CCDC81: variants seen among roughly 807,000 people sequenced by gnomAD.
The protein encoded by CCDC81 is coiled-coil domain-containing protein 81.
A neutral mutation model predicts 83.7 loss-of-function variants in CCDC81; 79 were observed. That is an observed-to-expected ratio of 0.94 (90% CI 0.79 to 1.14). The LOEUF (loss-of-function observed/expected upper bound fraction) is 1.14, where lower values mean the gene tolerates loss of function less well. Among genes scored for constraint, CCDC81 ranks in the 50% most tolerant of loss-of-function variants. The pLI is 0.00. For synonymous variants in CCDC81, 252 were observed against 278.1 expected, an observed-to-expected ratio of 0.91 and a Z score of 0.93; for missense variants, 791 against 778.1, an observed-to-expected ratio of 1.02 and a Z score of -0.20.
intron 10 of CCDC81, among the ~76,000 whole-genome samples, chr11:86,411,304 A>C (rs1262133115): frequency 1.3e-5 from 2 of 152,006 alleles, no homozygotes; most frequent in Non-Finnish European, 2.9e-5. Flanking sequence ...TTCCTTCTGT[A>C]TGGAACACGG....
chr11:86,399,095 G>T (rs374234717), intron 6 of CCDC81, among the ~76,000 whole-genome samples: 14 of 152,214 alleles, frequency 9.2e-5, no homozygotes, highest in Admixed American at 4.6e-4. Flanking sequence ...AAATCTATTG[G>T]CTGTTAAAAG....
chr11:86,408,407 A>T (rs1367944284), intron 9 of CCDC81, 137 bp downstream of exon 9: 3 of 755,536 alleles, frequency 4.0e-6, no homozygotes, highest in Non-Finnish European at 5.8e-6. Flanking sequence ...ACCTCTGCTC[A>T]CTGCAGCCTT....
At chr11:86,391,382 A>C (rs912523806) in intron 3 of CCDC81, among the ~76,000 whole-genome samples, 1 of 152,216 alleles carries the variant, frequency 6.6e-6, no homozygotes, top group Non-Finnish European at 1.5e-5. Flanking sequence ...GAATATTCTC[A>C]TCTTCTCTAT....
At chr11:86,376,093 C>G (rs910432015) in intron 1 of CCDC81, among the ~76,000 whole-genome samples, 2 of 152,206 alleles carry the variant, frequency 1.3e-5, no homozygotes, top group East Asian at 3.9e-4. Context: ...ATTCTGAAAC[C>G]CTGCTATATG....
At chr11:86,391,073 T>C (rs1323738558) in intron 3 of CCDC81, among the ~76,000 whole-genome samples, 1 of 152,124 alleles carries the variant, frequency 6.6e-6, no homozygotes, top group Non-Finnish European at 1.5e-5. Flanking sequence ...AGTCAAACTA[T>C]CCATTGACTT....
intron 10 of CCDC81, among the ~76,000 whole-genome samples, chr11:86,411,284 G>A (rs1477393979): frequency 6.6e-6 from 1 of 151,924 alleles, no homozygotes; most frequent in Non-Finnish European, 1.5e-5. Flanking sequence ...TAGTGTCTTT[G>A]CGCTTAATGT....
At chr11:86,395,631 C>T (rs1948396882) in intron 5 of CCDC81, among the ~76,000 whole-genome samples, 1 of 152,096 alleles carries the variant, frequency 6.6e-6, no homozygotes. Flanking sequence ...TTTTTATCCC[C>T]CCTCACCGCG....
chr11:86,392,296 A>G (rs1593916461), intron 3 of CCDC81, among the ~76,000 whole-genome samples: 1 of 152,348 alleles, frequency 6.6e-6, no homozygotes, highest in East Asian at 1.9e-4. Context: ...TTATTTAGAA[A>G]GCTAACTGTT....
intron 3 of CCDC81, among the ~76,000 whole-genome samples, chr11:86,390,810 G>T (rs1948318185): frequency 6.6e-6 from 1 of 152,134 alleles, no homozygotes; most frequent in South Asian, 2.1e-4. Context: ...GTGGATTTCG[G>T]TGGTGGATAA....
intron 7 of CCDC81, among the ~76,000 whole-genome samples, chr11:86,401,609 G>A (rs2138522017): frequency 6.6e-6 from 1 of 152,198 alleles, no homozygotes; most frequent in East Asian, 1.9e-4. Flanking sequence ...CAAATATTGA[G>A]CACCACCATG....
intron 7 of CCDC81, among the ~76,000 whole-genome samples, chr11:86,405,061 C>T (rs1385277423): frequency 6.6e-6 from 1 of 152,026 alleles, no homozygotes; most frequent in East Asian, 1.9e-4. Flanking sequence ...TTAGCTAAAC[C>T]TTGTTAAAAT....
intron 13 of CCDC81, among the ~76,000 whole-genome samples, chr11:86,415,723 G>A (rs1224006617): frequency 2.0e-5 from 3 of 152,068 alleles, no homozygotes; most frequent in Admixed American, 1.3e-4. Context: ...ACCCAGGCTG[G>A]AGTGCAGTGG....
At position 86,376,480 on chromosome 11, in the gene CCDC81, G is replaced by GGA. The variant is rs145037977; in HGVS notation, c.79+1255_79+1256dup. On this transcript the variant is annotated intron_variant, in intron 1 of 14. Coordinates refer to ENST00000445632, the MANE Select transcript of CCDC81 (RefSeq NM_001156474.2). The stretch of plus-strand genomic sequence containing the variant: ...AGCAGGCATGTCTTACATGACGGCA[G>GGA]GAGAGAGAGAGAGAGAGAAGCCCGG... Among the ~76,000 whole-genome samples the GGA allele has an allele frequency of 5.5e-3, 828 of 151,382 alleles. 10 individuals carry two copies. Among genetic ancestry groups the GGA allele is most frequent in the African/African-American group, 0.019 (769 of 41,330 alleles).
At chr11:86,380,631 T>C (rs74688001) in intron 1 of CCDC81, among the ~76,000 whole-genome samples, 3 of 152,260 alleles carry the variant, frequency 2.0e-5, no homozygotes, top group African/African-American at 7.2e-5. Flanking sequence ...GTTTTTTTTT[T>C]CCAGTCTTTG....
chr11:86,400,697 A>C lies in CCDC81; in HGVS notation c.777A>C (p.Arg259Ser), dbSNP rs747019666. 1 of 1,611,146 alleles carries C rather than the reference A, an allele frequency of 6.2e-7. No homozygotes were observed. Among genetic ancestry groups the C allele is most frequent in the East Asian group, 2.2e-5 (1 of 44,816 alleles). Residue 259 changes from arginine (R) to serine (S), a missense_variant, in exon 7 of 15, where the codon AGA becomes AGC. Transcript: ENST00000445632. ...EGTRDISSPK[R>S]LRDRQALFPA... ...CTACAGATATCTCATCACCCAAAAG[A>C]CTTCGAGATAGACAAGCTTTGTTCC...
chr11:86,403,266 G>A lies in CCDC81; in HGVS notation c.881+2465G>A, dbSNP rs560375628. Among the ~76,000 whole-genome samples, 4 of 152,012 alleles carry A rather than the reference G, an allele frequency of 2.6e-5. No homozygotes were observed. The South Asian group carries it at 8.3e-4, about 32-fold the overall frequency. ...CTTTACTTTTTCTTAAAAAAAAGTTGTATTTTTATAAAGAGAACTTCATAT... is the reference window on the plus strand; with the variant it reads ...CTTTACTTTTTCTTAAAAAAAAGTTATATTTTTATAAAGAGAACTTCATAT... On this transcript the variant is annotated intron_variant, in intron 7 of 14. Coordinates refer to ENST00000445632, the MANE Select transcript of CCDC81 (RefSeq NM_001156474.2).
At chr11:86,377,301 C>T (rs1285491798) in intron 1 of CCDC81, among the ~76,000 whole-genome samples, 3 of 152,074 alleles carry the variant, frequency 2.0e-5, no homozygotes, top group Non-Finnish European at 4.4e-5. Context: ...GTTTTCAATT[C>T]ACTTGGGTAA....
intron 14 of CCDC81, among the ~76,000 whole-genome samples, chr11:86,420,873 T>G (rs1948780002): frequency 6.6e-6 from 1 of 152,174 alleles, no homozygotes; most frequent in African/African-American, 2.4e-5. Context: ...AGTGGACTCA[T>G]TTGGCTTAGA....
At position 86,392,808 on chromosome 11, in the gene CCDC81, A is replaced by G; in HGVS notation, c.555+11A>G. The G allele has an allele frequency of 1.9e-5, 29 of 1,545,468 alleles. No individual in the cohort carries two copies. Among genetic ancestry groups the G allele is most frequent in the Non-Finnish European group, 2.5e-5 (29 of 1,144,078 alleles). ...AAGGCCCTAGCAAATGTAAATTAAT[A>G]TTTTCCTTCTCCTAAGTCTTCTCCT... On this transcript the variant is annotated intron_variant, in intron 4 of 14. Transcript: ENST00000445632.
Sources: allele counts gnomAD v4.1 joint callset (sites outside exome capture counted in the v4.1 genomes callset), GRCh38; gene constraint gnomAD v4.1.1; transcripts MANE v1.5; gene names NCBI Gene and HGNC (gene_info 2026-07-23, HGNC 2026-07-21).